Variants in XRRA1 observed in about 807,000 individuals in gnomAD.
The protein encoded by XRRA1 is X-ray radiation resistance associated 1, also known as X-ray radiation resistance-associated protein 1.
A neutral mutation model predicts 80.2 loss-of-function variants in XRRA1; 69 were observed. The ratio of observed to expected loss-of-function variants is 0.86; its 90% CI spans 0.71 to 1.05. The LOEUF is 1.05. Among genes scored for constraint, XRRA1 ranks in the 50% least tolerant of loss-of-function variants. XRRA1 has a pLI of 0.00. For synonymous variants in XRRA1, 348 were observed against 389.9 expected (o/e 0.89, Z 1.27); for missense variants, 967 against 976.4 (o/e 0.99, Z 0.13).
At chr11:74,874,353 G>A (rs1338737879) in intron 10 of XRRA1, among the ~76,000 whole-genome samples, 1 of 151,272 alleles carries the variant, frequency 6.6e-6, no homozygotes, top group African/African-American at 2.4e-5. Context: ...CCTTACTTAA[G>A]GTACCAGTCC....
chr11:74,914,130 C>T (rs1309363464), intron 8 of XRRA1, among the ~76,000 whole-genome samples: 3 of 152,092 alleles, frequency 2.0e-5, no homozygotes, highest in African/African-American at 4.8e-5. Context: ...GGATTACAGG[C>T]GCCCGCCACC....
chr11:74,872,304 C>A (rs1565283175), intron 10 of XRRA1, among the ~76,000 whole-genome samples: 1 of 152,098 alleles, frequency 6.6e-6, no homozygotes, highest in Admixed American at 6.5e-5. Flanking sequence ...GGACAGCTAA[C>A]CCTCAAGGAC....
At chr11:74,881,919 TTC>T (rs1164440922) in intron 10 of XRRA1, among the ~76,000 whole-genome samples, 1 of 150,058 alleles carries the variant, frequency 6.7e-6, no homozygotes, top group Non-Finnish European at 1.5e-5. Flanking sequence ...AACCTGACCT[TTC>T]TCTCTGGCTG....
In XRRA1 at chr11:74,907,342, T is replaced by C. The variant is rs112716492; in HGVS notation, c.657-69A>G. On this transcript the variant is annotated intron_variant, in intron 8 of 18. Transcript: ENST00000684022. ...AAATTCCACCATTCCCAGGAAGCCA[T>C]GGAGGACAGGGAATCAATTAGGAGG... The C allele has an allele frequency of 6.8e-5, 108 of 1,589,120 alleles. 1 individual carries two copies. The African/African-American group carries it at 1.2e-3, about 18-fold the overall frequency.
At chr11:74,869,920 C>T (rs59328242) in intron 10 of XRRA1, among the ~76,000 whole-genome samples, 40,125 of 152,010 alleles carry the variant, frequency 0.26, 6,021 homozygotes, top group East Asian at 0.53. Context: ...GTGCCCAGGT[C>T]CTTGATTTCC....
rs2054804409 is a variant in XRRA1, at chr11:74,907,213, C to T, written c.717G>A (p.Glu239=). 1 of 1,613,896 alleles carries T rather than the reference C, an allele frequency of 6.2e-7. No homozygotes were observed. Among genetic ancestry groups the T allele is most frequent in the Admixed American group, 1.7e-5 (1 of 60,006 alleles). ...KRYILRFPAL[E]TLMLDDNRLS... Reference sequence around the variant, plus strand: ...GTCTGTTGTCATCCAGCATCAGTGTCTCCAGCGCTGGGAACCTCAGGATGT... The same window carrying T: ...GTCTGTTGTCATCCAGCATCAGTGTTTCCAGCGCTGGGAACCTCAGGATGT... Residue 239 remains glutamate (E), a synonymous_variant, in exon 9 of 19, where the codon GAG becomes GAA. Transcript: ENST00000684022.
chr11:74,854,622 AAAATGT>A (rs1199497502), intron 12 of XRRA1, among the ~76,000 whole-genome samples: 1 of 152,228 alleles, frequency 6.6e-6, no homozygotes, highest in African/African-American at 2.4e-5. Context: ...CAATCATTAA[AAAATGT>A]AAACACCACT....
chr11:74,888,601 C>T (rs1009817104), intron 10 of XRRA1, among the ~76,000 whole-genome samples: 1 of 152,160 alleles, frequency 6.6e-6, no homozygotes, highest in Non-Finnish European at 1.5e-5. Context: ...AAGAAGGCTT[C>T]GGACGATCGA....
intron 1 of XRRA1, 71 bp from the exon 2 acceptor site, chr11:74,945,156 T>A (rs1285641768): frequency 6.6e-6 from 1 of 152,538 alleles, no homozygotes; most frequent in Non-Finnish European, 1.5e-5. Context: ...TTAATTATAT[T>A]CTACTGTGAG....
intron 10 of XRRA1, among the ~76,000 whole-genome samples, chr11:74,904,414 C>T (rs1015050181): frequency 1.3e-5 from 2 of 151,136 alleles, no homozygotes; most frequent in African/African-American, 2.4e-5. Flanking sequence ...TGAGCACGAT[C>T]GTGTAACCGC....
Position 74,906,358 on chromosome 11 carries a change from C to T in XRRA1, c.884G>A (p.Arg295Lys), listed in dbSNP as rs771934868. 11 of 1,614,028 alleles carry T rather than the reference C, an allele frequency of 6.8e-6. No individual in the cohort carries two copies. Among genetic ancestry groups the T allele is most frequent in the Non-Finnish European group, 9.3e-6 (11 of 1,179,900 alleles). The change falls in exon 10 of 19, where the codon AGG (arginine) becomes AAG (lysine). Residue 295 changes from arginine (R) to lysine (K), a missense_variant. Coordinates refer to ENST00000684022, the MANE Select transcript of XRRA1 (RefSeq NM_001378157.1). ...YDESVDWNGG[R>K]GSPHKEPQFM... is the part of the protein sequence containing the mutation. ...TTGGGGCTCTTTATGGGGACTTCCC[C>T]TGCCTCCATTCCAGTCTACTGACTC...
intron 3 of XRRA1, among the ~76,000 whole-genome samples, chr11:74,939,903 CAA>C (rs1024991667): frequency 1.1e-4 from 17 of 151,304 alleles, no homozygotes; most frequent in Non-Finnish European, 2.2e-4. Context: ...AAGAGAGAGA[CAA>C]AGAGAGAAAC....
intron 8 of XRRA1, among the ~76,000 whole-genome samples, chr11:74,909,416 A>AT: frequency 1.3e-5 from 2 of 152,198 alleles, no homozygotes; most frequent in Non-Finnish European, 2.9e-5. Flanking sequence ...ACTCTAGTGA[A>AT]ATATGAAACA....
chr11:74,903,533 C>A (rs569261571), intron 10 of XRRA1, among the ~76,000 whole-genome samples: 2 of 152,228 alleles, frequency 1.3e-5, no homozygotes, highest in Non-Finnish European at 2.9e-5. Flanking sequence ...GAAACCCTGT[C>A]TCCACTAAAA....
intron 10 of XRRA1, among the ~76,000 whole-genome samples, chr11:74,904,838 T>C (rs1174945065): frequency 7.3e-6 from 1 of 137,572 alleles, no homozygotes; most frequent in Non-Finnish European, 1.5e-5. Flanking sequence ...ATACACAACC[T>C]ACCAAGATAA....
At chr11:74,883,131 G>C (rs989606541) in intron 10 of XRRA1, among the ~76,000 whole-genome samples, 1 of 152,202 alleles carries the variant, frequency 6.6e-6, no homozygotes, top group Non-Finnish European at 1.5e-5. Context: ...CTTGCAGTTT[G>C]ATCTCAGACT....
At chr11:74,885,804 A>G (rs2048877991) in intron 10 of XRRA1, among the ~76,000 whole-genome samples, 1 of 152,236 alleles carries the variant, frequency 6.6e-6, no homozygotes, top group Non-Finnish European at 1.5e-5. Context: ...CATAGATGCA[A>G]AAATCCTCAA....
intron 8 of XRRA1, among the ~76,000 whole-genome samples, chr11:74,918,084 G>A (rs536702830): frequency 6.6e-6 from 1 of 152,166 alleles, no homozygotes; most frequent in African/African-American, 2.4e-5. Flanking sequence ...GTAAAAGCAG[G>A]ACCTTAAAGG....
At chr11:74,914,986 T>C (rs1938126892) in intron 8 of XRRA1, among the ~76,000 whole-genome samples, 1 of 152,228 alleles carries the variant, frequency 6.6e-6, no homozygotes, top group South Asian at 2.1e-4. Flanking sequence ...CCTGTGGCCA[T>C]CTAATATAGG....
Sources: gnomAD v4.1 joint callset for allele counts (sites outside exome capture counted in the v4.1 genomes callset) on GRCh38, gnomAD v4.1.1 for gene constraint, MANE v1.5 for transcripts, NCBI Gene and HGNC (gene_info 2026-07-23, HGNC 2026-07-21) for gene names.